ETV6: variants seen among roughly 807,000 people sequenced by gnomAD.
The protein encoded by ETV6 is ETS variant transcription factor 6.
In ETV6, 16 loss-of-function variants were observed where a neutral mutation model predicts 51.1. The ratio of observed to expected loss-of-function variants is 0.31; its 90% CI spans 0.21 to 0.48. The LOEUF (loss-of-function observed/expected upper bound fraction) is 0.48, where lower values mean the gene tolerates loss of function less well. Ranked by LOEUF, ETV6 falls within the 20% of genes least tolerant of loss-of-function variation. ETV6 has a pLI of 0.99. For synonymous variants in ETV6, 240 were observed against 224.1 expected (o/e 1.07, Z -0.64); for missense variants, 458 against 594.8 (o/e 0.77, Z 2.39).
chr12:11,869,883 A>T lies in ETV6; in HGVS notation c.923A>T (p.His308Leu). ...HREGKPINLS[H>L]REDLAYMNHI... Reference sequence around the variant, plus strand: ...GAAGGGAAGCCCATCAACCTCTCTCATCGGGAAGACCTGGCTTACATGAAC... The same window carrying T: ...GAAGGGAAGCCCATCAACCTCTCTCTTCGGGAAGACCTGGCTTACATGAAC... The change falls in exon 5 of 8, where the codon CAT becomes CTT. Residue 308 changes from histidine (H) to leucine (L), a missense_variant. His to Leu is a moderately conservative substitution (Grantham distance 99, BLOSUM62 -3). This residue lies in a region of ETV6 where 293 missense variants were observed against 315.7 expected (regional missense o/e 0.93). Coordinates refer to ENST00000396373, the MANE Select transcript of ETV6 (RefSeq NM_001987.5). This position sits in a 1 kb window ranked among gnomAD's most constrained non-coding sequence, Gnocchi z 5.0. The T allele has an allele frequency of 6.2e-7, 1 of 1,612,710 alleles. No individual in the cohort carries two copies. Among genetic ancestry groups the T allele is most frequent in the Non-Finnish European group, 8.5e-7 (1 of 1,179,860 alleles).
Position 11,695,914 on chromosome 12 carries a change from C to T in ETV6, c.33+45754C>T, listed in dbSNP as rs1050562511. 1.4e-4 allele frequency among the ~76,000 whole-genome samples: 21 copies of T among 152,200 alleles called. No homozygotes were observed. The South Asian group carries it at 1.5e-3, about 11-fold the overall frequency. The stretch of plus-strand genomic sequence containing the variant: ...TGACATCTTTCTTCTTCCTAATCAT[C>T]GACTCATGGAATATTAGAATTACCA... On this transcript the variant is annotated intron_variant, in intron 1 of 7. Coordinates refer to ENST00000396373, the MANE Select transcript of ETV6 (RefSeq NM_001987.5).
chr12:11,687,527 G>T (rs1258104380), intron 1 of ETV6, among the ~76,000 whole-genome samples: 1 of 151,808 alleles, frequency 6.6e-6, no homozygotes, highest in Non-Finnish European at 1.5e-5. Flanking sequence ...CACATCCCTG[G>T]GTGCCAATCA....
intron 1 of ETV6, among the ~76,000 whole-genome samples, chr12:11,688,307 C>T (rs1864676457): frequency 1.3e-5 from 2 of 152,170 alleles, no homozygotes; most frequent in Admixed American, 1.3e-4. Context: ...GGCACTTTGA[C>T]CTGATCCAGA....
chr12:11,801,585 G>T (rs996625770), intron 2 of ETV6, among the ~76,000 whole-genome samples: 4 of 152,194 alleles, frequency 2.6e-5, no homozygotes, highest in African/African-American at 9.7e-5. Flanking sequence ...TGAAAATACT[G>T]TTATGGTTAA....
intron 1 of ETV6, among the ~76,000 whole-genome samples, chr12:11,709,660 G>A (rs1865137105): frequency 6.6e-6 from 1 of 152,218 alleles, no homozygotes; most frequent in Non-Finnish European, 1.5e-5. Context: ...TTTCTGTGAA[G>A]GTATTTATGG....
At chr12:11,873,055 C>T (rs537064394) in intron 5 of ETV6, among the ~76,000 whole-genome samples, 2 of 152,206 alleles carry the variant, frequency 1.3e-5, no homozygotes, top group Non-Finnish European at 2.9e-5. Flanking sequence ...TTCAGTATAA[C>T]ACAATGTCCT....
intron 3 of ETV6, among the ~76,000 whole-genome samples, chr12:11,847,029 A>G (rs923827399): frequency 6.6e-6 from 1 of 152,110 alleles, no homozygotes; most frequent in South Asian, 2.1e-4. Context: ...GAGGATCGGC[A>G]TGGCAAGGTG....
intron 5 of ETV6, among the ~76,000 whole-genome samples, chr12:11,878,619 C>T (rs901665517): frequency 7.2e-5 from 11 of 152,072 alleles, no homozygotes; most frequent in African/African-American, 2.7e-4. Flanking sequence ...AGCCAGGAAG[C>T]GTAGATTTTT....
chr12:11,728,364 C>T (rs562266850), intron 1 of ETV6, among the ~76,000 whole-genome samples: 1 of 152,350 alleles, frequency 6.6e-6, no homozygotes, highest in Admixed American at 6.5e-5. Flanking sequence ...GGCCGCACAG[C>T]AGGAGGTGAG....
intron 3 of ETV6, among the ~76,000 whole-genome samples, chr12:11,846,002 A>T (rs184202816): frequency 0.01 from 1,584 of 151,946 alleles, 19 homozygotes; most frequent in Non-Finnish European, 0.015. Context: ...AAAAAAAAAA[A>T]AAAGAAAAAA....
intron 1 of ETV6, among the ~76,000 whole-genome samples, chr12:11,735,342 T>C (rs1865683785): frequency 6.6e-6 from 1 of 151,938 alleles, no homozygotes; most frequent in African/African-American, 2.4e-5. Flanking sequence ...GTTATGGGAG[T>C]TGGTCTTTGG....
intron 1 of ETV6, among the ~76,000 whole-genome samples, chr12:11,678,877 G>A (rs944172481): frequency 1.3e-5 from 2 of 152,130 alleles, no homozygotes; most frequent in African/African-American, 4.8e-5. Context: ...GGGAGTGACT[G>A]GTGAATTCTT....
chr12:11,742,969 G>C (rs998197885), intron 1 of ETV6, among the ~76,000 whole-genome samples: 1 of 151,918 alleles, frequency 6.6e-6, no homozygotes, highest in African/African-American at 2.4e-5. Context: ...ACCATGCCTG[G>C]CTAATTTTTC....
intron 1 of ETV6, among the ~76,000 whole-genome samples, chr12:11,679,417 G>T (rs1376731514): frequency 6.6e-6 from 1 of 152,162 alleles, no homozygotes; most frequent in East Asian, 1.9e-4. Context: ...ATGAATCAAT[G>T]GTTGCACTTT....
At chr12:11,731,278 G>A (rs191526767) in intron 1 of ETV6, among the ~76,000 whole-genome samples, 1 of 152,274 alleles carries the variant, frequency 6.6e-6, no homozygotes, top group Admixed American at 6.5e-5. Context: ...TTTAATTAAA[G>A]CAAAAATTTT....
chr12:11,809,845 A>G (rs1227108756), intron 2 of ETV6, among the ~76,000 whole-genome samples: 17 of 105,270 alleles, frequency 1.6e-4, no homozygotes, highest in African/African-American at 6.5e-4. Flanking sequence ...TTTTGGAGAG[A>G]GTCTTGCTGT....
chr12:11,759,134 T>G (rs1365089832), intron 2 of ETV6, among the ~76,000 whole-genome samples: 1 of 151,766 alleles, frequency 6.6e-6, no homozygotes, highest in African/African-American at 2.4e-5. Context: ...GGAAGCAGCT[T>G]CAATAAATGC....
chr12:11,749,387 T>C lies in ETV6; in HGVS notation c.34-3063T>C, dbSNP rs1405164044. ...ATAATGTTAAAAGAAAGAAAGCAGC[T>C]CTGGTTTTCATCTGTCTGACAATTT... On this transcript the variant is annotated intron_variant, in intron 1 of 7. Coordinates refer to ENST00000396373, the MANE Select transcript of ETV6 (RefSeq NM_001987.5). Among the ~76,000 whole-genome samples, 43 of 150,286 alleles carry C rather than the reference T, an allele frequency of 2.9e-4. 1 individual carries two copies. In the Admixed American group the frequency reaches 2.9e-3, roughly 10 times the overall value.
chr12:11,882,150 G>A (rs897344748), intron 5 of ETV6, among the ~76,000 whole-genome samples: 4 of 152,220 alleles, frequency 2.6e-5, no homozygotes, highest in African/African-American at 9.7e-5. Context: ...TAATACAGAA[G>A]AAAGGATTCC....
Sources: allele counts gnomAD v4.1 joint callset (sites outside exome capture counted in the v4.1 genomes callset), GRCh38; gene constraint gnomAD v4.1.1; regional missense constraint gnomAD v4.1.1; non-coding constraint Gnocchi (gnomAD v3.1); transcripts MANE v1.5; gene names NCBI Gene and HGNC (gene_info 2026-07-23, HGNC 2026-07-21).